The following UBE2F variants were observed in gnomAD, a reference collection of about 807,000 sequenced individuals.
UBE2F encodes the protein ubiquitin conjugating enzyme E2 F (putative).
In UBE2F, 5 loss-of-function variants were observed where a neutral mutation model predicts 29.6. That is an observed-to-expected ratio of 0.17 (90% CI 0.09 to 0.36). The LOEUF (loss-of-function observed/expected upper bound fraction) is 0.36. Among genes scored for constraint, UBE2F ranks in the 10% least tolerant of loss-of-function variants. The pLI, the probability that UBE2F is intolerant of heterozygous loss-of-function variation, is 1.00. For missense variants in UBE2F, 141 were observed against 228.5 expected (o/e 0.62, Z 2.47); for synonymous variants, 66 against 81.8 (o/e 0.81, Z 1.04).
At chr2:237,989,604 C>T (rs1010549278) in intron 3 of UBE2F, among the ~76,000 whole-genome samples, 2 of 152,032 alleles carry the variant, frequency 1.3e-5, no homozygotes, top group African/African-American at 4.8e-5. Context: ...CCTTCTGCCT[C>T]AGCCTCCCAA....
chr2:238,001,170 AT>A (rs1407558028), intron 4 of UBE2F, among the ~76,000 whole-genome samples: 1 of 151,310 alleles, frequency 6.6e-6, no homozygotes, highest in Non-Finnish European at 1.5e-5. Context: ...AGTAGCTGGG[AT>A]TACAGGCATG....
chr2:238,002,793 A>T (rs888423728), intron 4 of UBE2F, among the ~76,000 whole-genome samples: 1 of 148,658 alleles, frequency 6.7e-6, no homozygotes, highest in Non-Finnish European at 1.5e-5. Context: ...TATTTTATTT[A>T]TTTATTTTTT....
chr2:237,989,404 G>T (rs898421489), intron 3 of UBE2F, among the ~76,000 whole-genome samples: 4 of 152,140 alleles, frequency 2.6e-5, no homozygotes, highest in African/African-American at 9.7e-5. Context: ...CCAGGCTGGA[G>T]TGCAGTGGTG....
At chr2:237,996,011 T>G (rs1004147039) in intron 4 of UBE2F, among the ~76,000 whole-genome samples, 1 of 152,196 alleles carries the variant, frequency 6.6e-6, no homozygotes, top group African/African-American at 2.4e-5. Context: ...ATGCCTGACA[T>G]CTATAGATAA....
At chr2:238,033,498 G>T (rs1224474647) in intron 8 of UBE2F, among the ~76,000 whole-genome samples, 3 of 152,198 alleles carry the variant, frequency 2.0e-5, no homozygotes, top group African/African-American at 7.2e-5. Flanking sequence ...CTCCTGGCCA[G>T]GTGTCATGTG....
intron 4 of UBE2F, among the ~76,000 whole-genome samples, chr2:238,001,183 G>GCCA (rs1430625586): frequency 6.6e-6 from 1 of 151,920 alleles, no homozygotes; most frequent in Non-Finnish European, 1.5e-5. Context: ...ACAGGCATGT[G>GCCA]CCACCACGCC....
intron 4 of UBE2F, among the ~76,000 whole-genome samples, chr2:238,008,353 T>C (rs1332901734): frequency 1.3e-5 from 2 of 152,198 alleles, no homozygotes; most frequent in Non-Finnish European, 2.9e-5. Flanking sequence ...ATAAACACAA[T>C]TTCTAATAGA....
intron 7 of UBE2F, among the ~76,000 whole-genome samples, chr2:238,031,680 C>G (rs748557364): frequency 5.3e-5 from 8 of 152,218 alleles, no homozygotes; most frequent in Non-Finnish European, 8.8e-5. Flanking sequence ...TAGAACAACT[C>G]TGGCTTTCAG....
chr2:237,972,566 T>TGAGACAGG (rs2063197635), intron 1 of UBE2F, among the ~76,000 whole-genome samples: 1 of 108,108 alleles, frequency 9.3e-6, no homozygotes, highest in African/African-American at 3.3e-5. Context: ...TTTTTTTTTT[T>TGAGACAGG]TTGAGACAGG....
chr2:238,019,524 G>T (rs564082874), intron 5 of UBE2F, among the ~76,000 whole-genome samples: 1 of 151,696 alleles, frequency 6.6e-6, no homozygotes, highest in Non-Finnish European at 1.5e-5. Flanking sequence ...GTACCACCAC[G>T]CCCAGCTAAT....
At chr2:238,017,598 TG>T (rs2064187904) in intron 5 of UBE2F, among the ~76,000 whole-genome samples, 1 of 152,092 alleles carries the variant, frequency 6.6e-6, no homozygotes, top group South Asian at 2.1e-4. Flanking sequence ...AGAGGAGGTG[TG>T]GCTGCGCTTC....
chr2:238,030,123 A>G (rs2064539365), intron 6 of UBE2F, among the ~76,000 whole-genome samples: 1 of 151,898 alleles, frequency 6.6e-6, no homozygotes, highest in African/African-American at 2.4e-5. Context: ...GAGACAGGGT[A>G]TCACTGTGTT....
intron 1 of UBE2F, among the ~76,000 whole-genome samples, chr2:237,968,210 G>A (rs2063099672): frequency 6.6e-6 from 1 of 152,126 alleles, no homozygotes; most frequent in African/African-American, 2.4e-5. Flanking sequence ...GAGAGAGAGA[G>A]AGATTGAGAG....
chr2:237,972,497 T>G (rs770842086), intron 1 of UBE2F, among the ~76,000 whole-genome samples: 3 of 151,882 alleles, frequency 2.0e-5, no homozygotes, highest in Non-Finnish European at 4.4e-5. Context: ...TCCCAGGACC[T>G]GGCACCCAGT....
At chr2:238,009,581 A>C (rs762109105) in intron 4 of UBE2F, among the ~76,000 whole-genome samples, 2 of 152,038 alleles carry the variant, frequency 1.3e-5, no homozygotes, top group Non-Finnish European at 2.9e-5. Flanking sequence ...TTCTTTCCTC[A>C]TTATGTTCAT....
chr2:238,029,951 CTTTTT>C (rs36015072), intron 6 of UBE2F, among the ~76,000 whole-genome samples: 27 of 135,634 alleles, frequency 2.0e-4, no homozygotes, highest in African/African-American at 6.9e-4. Flanking sequence ...TTCTTTCTTT[CTTTTT>C]TTTTTTTTGA....
intron 2 of UBE2F, among the ~76,000 whole-genome samples, chr2:237,985,485 T>C (rs2063463105): frequency 6.6e-6 from 1 of 152,254 alleles, no homozygotes; most frequent in African/African-American, 2.4e-5. Context: ...GCTTATTTTA[T>C]GTAGCATAAT....
At chr2:237,977,551 G>A (rs781668912) in intron 2 of UBE2F, among the ~76,000 whole-genome samples, 14 of 152,152 alleles carry the variant, frequency 9.2e-5, no homozygotes, top group Non-Finnish European at 1.8e-4. Flanking sequence ...TGTGGGGTCC[G>A]CCCCTAGAGT....
At chr2:238,005,014 T>C (rs1163324557) in intron 4 of UBE2F, among the ~76,000 whole-genome samples, 1 of 152,170 alleles carries the variant, frequency 6.6e-6, no homozygotes, top group Admixed American at 6.5e-5. Context: ...TTCATGATCT[T>C]AGCCTAGTGA....
Sources: gnomAD v4.1 joint callset for allele counts (sites outside exome capture counted in the v4.1 genomes callset) on GRCh38, gnomAD v4.1.1 for gene constraint, MANE v1.5 for transcripts, NCBI Gene and HGNC (gene_info 2026-07-23, HGNC 2026-07-21) for gene names.